The following CFAP206 variants were observed in gnomAD, a reference collection of about 807,000 sequenced individuals.
The protein encoded by CFAP206 is cilia- and flagella-associated protein 206.
In CFAP206, 53 loss-of-function variants were observed where a neutral mutation model predicts 65.4. The observed-to-expected ratio is 0.81, with a 90% CI of 0.65 to 1.02. The LOEUF (loss-of-function observed/expected upper bound fraction) is 1.02. Ranked by LOEUF, CFAP206 falls within the 50% of genes least tolerant of loss-of-function variation. CFAP206 has a pLI of 0.00. For synonymous variants in CFAP206, 250 were observed against 254.4 expected (o/e 0.98, Z 0.17); for missense variants, 663 against 753.2 (o/e 0.88, Z 1.40).
chr6:87,420,452 T>C (rs1028906484), intron 7 of CFAP206, among the ~76,000 whole-genome samples: 1 of 152,200 alleles, frequency 6.6e-6, no homozygotes, highest in Non-Finnish European at 1.5e-5. Context: ...GTGAGTAAAA[T>C]GTAGAAATGA....
At chr6:87,436,355 G>A (rs541745777) in intron 11 of CFAP206, among the ~76,000 whole-genome samples, 1 of 152,156 alleles carries the variant, frequency 6.6e-6, no homozygotes, top group South Asian at 2.1e-4. Context: ...CAAAGTGCTG[G>A]GATTACAGGC....
chr6:87,424,887 A>G (rs955700996), intron 7 of CFAP206, among the ~76,000 whole-genome samples: 1 of 152,238 alleles, frequency 6.6e-6, no homozygotes, highest in Non-Finnish European at 1.5e-5. Context: ...ACAATAAGCT[A>G]AATACACACA....
At chr6:87,462,788 T>C (rs1236505325) in intron 12 of CFAP206, among the ~76,000 whole-genome samples, 1 of 152,192 alleles carries the variant, frequency 6.6e-6, no homozygotes, top group Non-Finnish European at 1.5e-5. Flanking sequence ...CAATCTCCAC[T>C]TAATTCTGAC....
chr6:87,427,903 T>C (rs561063905), intron 8 of CFAP206, among the ~76,000 whole-genome samples: 1 of 152,142 alleles, frequency 6.6e-6, no homozygotes, highest in South Asian at 2.1e-4. Flanking sequence ...TGTTTTTTTC[T>C]GTATAAATAG....
At chr6:87,411,924 G>A (rs2127946940) in intron 3 of CFAP206, among the ~76,000 whole-genome samples, 1 of 152,348 alleles carries the variant, frequency 6.6e-6, no homozygotes, top group African/African-American at 2.4e-5. Flanking sequence ...AGATATTGGT[G>A]AGGATGCAGA....
At position 87,434,961 on chromosome 6, in the gene CFAP206, G is replaced by T; in HGVS notation, c.1402G>T (p.Asp468Tyr). The T allele has an allele frequency of 1.3e-6, 2 of 1,592,374 alleles. No individual in the cohort carries two copies. The highest frequency in any genetic ancestry group is 1.7e-6 in the Non-Finnish European group (2 of 1,162,692). ...TGCAGAAAATCCTGAACATTATATT[G>T]ACATAGTTAGAGAAAAGGCCAAAAA... ...SFAENPEHYI[D>Y]IVREKAKKNT... The change falls in exon 11 of 13, where the codon GAC (aspartate) becomes TAC (tyrosine). Residue 468 changes from aspartate to tyrosine, a missense_variant. By Grantham distance (160) the Asp-to-Tyr change is radical (BLOSUM62 -3). Coordinates refer to ENST00000369562, the MANE Select transcript of CFAP206 (RefSeq NM_001031743.3).
intron 11 of CFAP206, among the ~76,000 whole-genome samples, chr6:87,443,927 C>A (rs186110159): frequency 6.6e-6 from 1 of 152,272 alleles, no homozygotes; most frequent in African/African-American, 2.4e-5. Context: ...CCTCCAGCTC[C>A]ATCCATGTTT....
rs1230843433 is a variant in CFAP206, at chr6:87,408,026, G to T, written c.-69G>T. ...CTGCGAGCGCCCAACTGCTCCGACC[G>T]TCGCGGTGAGGGCCCCAGGACAGAA... On this transcript the variant is annotated 5_prime_UTR_variant, in exon 1 of 13. Transcript: ENST00000369562. 2 of 985,420 alleles carry T rather than the reference G, an allele frequency of 2.0e-6. No homozygotes were observed. Among genetic ancestry groups the T allele is most frequent in the Non-Finnish European group, 1.2e-6 (1 of 830,068 alleles). The allele number at this position is 985,420 out of a possible 1,614,324, so 61.0% of individuals were successfully genotyped here. A position where few individuals can be genotyped will look rare whatever the true frequency, so the allele number is the denominator to read the frequency against.
chr6:87,453,439 A>C (rs1400712099), intron 11 of CFAP206, among the ~76,000 whole-genome samples: 1 of 152,206 alleles, frequency 6.6e-6, no homozygotes, highest in Non-Finnish European at 1.5e-5. Flanking sequence ...ATGTTATAAC[A>C]CTGTAATTGT....
intron 11 of CFAP206, among the ~76,000 whole-genome samples, chr6:87,455,658 A>T (rs1768625832): frequency 1.3e-5 from 2 of 152,164 alleles, no homozygotes; most frequent in Admixed American, 6.5e-5. Flanking sequence ...ACCCAAAGAA[A>T]ATCAAAGATA....
chr6:87,461,642 T>C (rs978869533), intron 12 of CFAP206, among the ~76,000 whole-genome samples: 4 of 152,136 alleles, frequency 2.6e-5, no homozygotes, highest in African/African-American at 9.7e-5. Flanking sequence ...TCCAACTGAG[T>C]GAAATTACCC....
At chr6:87,436,612 T>A (rs1263723138) in intron 11 of CFAP206, 2 of 152,388 alleles carry the variant, frequency 1.3e-5, no homozygotes, top group Non-Finnish European at 2.9e-5. Context: ...CATGGACAGC[T>A]CAGTTGGTGC....
chr6:87,423,254 C>A (rs939610821), intron 7 of CFAP206, among the ~76,000 whole-genome samples: 13 of 132,568 alleles, frequency 9.8e-5, no homozygotes, highest in East Asian at 9.0e-4. Flanking sequence ...TTTTATTTTT[C>A]TTTTTTTTTT....
At chr6:87,457,011 G>A (rs1235204862) in intron 11 of CFAP206, among the ~76,000 whole-genome samples, 3 of 151,920 alleles carry the variant, frequency 2.0e-5, no homozygotes, top group South Asian at 2.1e-4. Flanking sequence ...TTAGCCACGC[G>A]TGGTGGCAGG....
chr6:87,409,891 G>A lies in CFAP206; in HGVS notation c.52G>A (p.Gly18Arg). 6.2e-7 allele frequency: 1 copy of A among 1,613,298 alleles called. No individual in the cohort carries two copies. Among genetic ancestry groups the A allele is most frequent in the African/African-American group, 1.3e-5 (1 of 74,984 alleles). The stretch of plus-strand genomic sequence containing the variant: ...TATAAGGAGTATTATACGAGAAATA[G>A]GACAAGAATGTGCAGCCCATGGAGA... The part of the protein sequence containing the change: ...SVIRSIIREI[G>R]QECAAHGEIV... The change falls in exon 2 of 13, where the codon GGA becomes AGA. Residue 18 changes from glycine to arginine, a missense_variant. Transcript: ENST00000369562.
intron 1 of CFAP206, among the ~76,000 whole-genome samples, chr6:87,409,338 C>T (rs1259583416): frequency 6.6e-6 from 1 of 151,934 alleles, no homozygotes; most frequent in Non-Finnish European, 1.5e-5. Flanking sequence ...CTCAGCCTCC[C>T]AAGTAGCTGG....
Position 87,434,811 on chromosome 6 carries a change from T to G in CFAP206, c.1301-49T>G, listed in dbSNP as rs547051736. ...CCATGCCCAGCCAGAATAACAATAT[T>G]TCATAAGTGATCAAGACATTTCATA... On this transcript the variant is annotated intron_variant, in intron 10 of 12. Coordinates refer to ENST00000369562, the MANE Select transcript of CFAP206 (RefSeq NM_001031743.3). 2.8e-6 allele frequency: 3 copies of G among 1,071,492 alleles called. No individual in the cohort carries two copies. The African/African-American group carries it at 4.8e-5, about 17-fold the overall frequency. 66.4% of individuals were successfully genotyped at this position (1,071,492 alleles called of 1,614,324 possible).
chr6:87,421,761 G>A (rs972274515), intron 7 of CFAP206, among the ~76,000 whole-genome samples: 31 of 152,154 alleles, frequency 2.0e-4, no homozygotes, highest in Admixed American at 2.6e-4. Flanking sequence ...TGTAAGTCAA[G>A]ATTTTTGTAG....
At chr6:87,447,944 G>T (rs899924332) in intron 11 of CFAP206, among the ~76,000 whole-genome samples, 7 of 57,588 alleles carry the variant, frequency 1.2e-4, no homozygotes, top group African/African-American at 4.4e-4. Flanking sequence ...ATTTCTTCTA[G>T]ATTTTCTTTA....
Sources: allele counts gnomAD v4.1 joint callset (sites outside exome capture counted in the v4.1 genomes callset), GRCh38; gene constraint gnomAD v4.1.1; transcripts MANE v1.5; gene names NCBI Gene and HGNC (gene_info 2026-07-23, HGNC 2026-07-21).